Variants in TMEM120A observed in about 807,000 individuals in gnomAD.
TMEM120A encodes the protein transmembrane protein 120A, also known as ion channel TACAN.
In TMEM120A, 45 loss-of-function variants were observed where a neutral mutation model predicts 54.3. The ratio of observed to expected loss-of-function variants is 0.83; its 90% CI spans 0.65 to 1.06. The LOEUF is 1.06. Among genes scored for constraint, TMEM120A ranks in the 50% least tolerant of loss-of-function variants. TMEM120A has a pLI of 0.00. For missense variants in TMEM120A, 424 were observed against 441.7 expected, an observed-to-expected ratio of 0.96 and a Z score of 0.36; for synonymous variants, 204 against 178.5, an observed-to-expected ratio of 1.14 and a Z score of -1.14.
chr7:75,993,654 A>G (rs1301696599), intron 1 of TMEM120A, among the ~76,000 whole-genome samples: 1 of 152,204 alleles, frequency 6.6e-6, no homozygotes. Context: ...GCCAAGGGCT[A>G]ACCAAGCCAT....
chr7:75,987,911 TG>T lies in TMEM120A; in HGVS notation c.691+11del. On this transcript the variant is annotated intron_variant, in intron 8 of 11. Coordinates refer to ENST00000493111, the MANE Select transcript of TMEM120A (RefSeq NM_031925.3). Reference sequence around the variant, plus strand: ...GCCTCCAGGGCTCAGCACAGACATCTGGGACACTCACTCTGGTACATGGAAA... The same window carrying T: ...GCCTCCAGGGCTCAGCACAGACATCTGGACACTCACTCTGGTACATGGAAA... 1 of 1,602,518 alleles carries T rather than the reference TG, an allele frequency of 6.2e-7. No homozygotes were observed. The highest frequency in any genetic ancestry group is 8.5e-7 in the Non-Finnish European group (1 of 1,175,088).
chr7:75,992,540 GT>G lies in TMEM120A; in HGVS notation c.98del (p.Tyr33SerfsTer3). On this transcript the variant is annotated frameshift_variant, in exon 2 of 12. Coordinates refer to ENST00000493111, the MANE Select transcript of TMEM120A (RefSeq NM_031925.3). LOFTEE classifies it high-confidence loss of function. The part of the protein sequence containing the change: ...FQNIQETHRL[Y>X]RLKLEELTKL... ...TGGTCAGCTCCTCCAGCTTCAGGCG[GT>G]AGAGCCGATGGGTCTCCTGGGGGCC... 1 of 1,580,814 alleles carries G rather than the reference GT, an allele frequency of 6.3e-7. No individual in the cohort carries two copies. Among genetic ancestry groups the G allele is most frequent in the Non-Finnish European group, 8.6e-7 (1 of 1,164,350 alleles).
At chr7:75,987,514 C>T in intron 10 of TMEM120A, 24 bp downstream of exon 10, 1 of 1,566,300 alleles carries the variant, frequency 6.4e-7, no homozygotes, top group Non-Finnish European at 8.7e-7. Context: ...GACAGACAGG[C>T]AGGGACACAG....
chr7:75,992,625 G>C lies in TMEM120A; in HGVS notation c.82-68C>G, dbSNP rs1395627348. ...CTGAGCCAGAGCCTGCAGGCAGGAC[G>C]TGGCGCTCAGGCTCCCCCAGGGCTG... On this transcript the variant is annotated intron_variant, in intron 1 of 11. Transcript: ENST00000493111. 4 of 1,204,090 alleles carry C rather than the reference G, an allele frequency of 3.3e-6. No homozygotes were observed. The East Asian group carries it at 1.0e-4, about 31-fold the overall frequency. The allele number at this position is 1,204,090 out of a possible 1,614,324, so 74.6% of individuals were successfully genotyped here. A position where few individuals can be genotyped will look rare whatever the true frequency, so the allele number is the denominator to read the frequency against.
intron 3 of TMEM120A, among the ~76,000 whole-genome samples, chr7:75,990,315 G>A (rs782068298): frequency 1.8e-4 from 27 of 152,152 alleles, no homozygotes; most frequent in Admixed American, 5.2e-4. Context: ...GGAGCACTAT[G>A]CCAGGAGCAC....
In TMEM120A at chr7:75,992,552, G is replaced by T; in HGVS notation, c.87C>A (p.Thr29=). 6.4e-7 allele frequency: 1 copy of T among 1,571,050 alleles called. No individual in the cohort carries two copies. The highest frequency in any genetic ancestry group is 1.3e-5 in the African/African-American group (1 of 74,090). Residue 29 remains threonine (T), a synonymous_variant, in exon 2 of 12, where the codon ACC becomes ACA. Transcript: ENST00000493111. The part of the protein sequence containing the change: ...LQQDFQNIQE[T]HRLYRLKLEE... ...CCAGCTTCAGGCGGTAGAGCCGATGGGTCTCCTGGGGGCCGGAGGGGAGAG... is the reference window on the plus strand; with the variant it reads ...CCAGCTTCAGGCGGTAGAGCCGATGTGTCTCCTGGGGGCCGGAGGGGAGAG...
At position 75,992,138 on chromosome 7, in the gene TMEM120A, C is replaced by T. The variant is rs1484038030; in HGVS notation, c.317+6G>A. Reference sequence around the variant, plus strand: ...CTGAGCTGGGGGTGGCGGTGGGGGCCCTCACCCATTCTTCTTAGGCAAATA... The same window carrying T: ...CTGAGCTGGGGGTGGCGGTGGGGGCTCTCACCCATTCTTCTTAGGCAAATA... On this transcript the variant is annotated splice_donor_region_variant and intron_variant, in intron 3 of 11. Coordinates refer to ENST00000493111, the MANE Select transcript of TMEM120A (RefSeq NM_031925.3). 6.3e-7 allele frequency: 1 copy of T among 1,587,486 alleles called. No homozygotes were observed.
Position 75,986,893 on chromosome 7 carries a change from CCTGCAT to C in TMEM120A, c.*273_*278del. The C allele has an allele frequency of 1.7e-6, 1 of 585,730 alleles. No individual in the cohort carries two copies. The highest frequency in any genetic ancestry group is 2.2e-5 in the South Asian group (1 of 45,442). The allele number at this position is 585,730 out of a possible 1,614,324, so 36.3% of individuals were successfully genotyped here. ...TGTGTGAGTAGATCTGGGACCTCCA[CCTGCAT>C]CAACTTAACTAACTCAGACCCCAGG... On this transcript the variant is annotated 3_prime_UTR_variant, in exon 12 of 12. Coordinates refer to ENST00000493111, the MANE Select transcript of TMEM120A (RefSeq NM_031925.3).
intron 1 of TMEM120A, 118 bp downstream of exon 1, chr7:75,994,372 C>T (rs1268131618): frequency 5.6e-6 from 5 of 888,478 alleles, no homozygotes; most frequent in Non-Finnish European, 8.7e-6. Flanking sequence ...GCAGTGACGC[C>T]AGGGCCCCGA....
In TMEM120A at chr7:75,990,657, G is replaced by A. The variant is rs933004090; in HGVS notation, c.318-1433C>T. On this transcript the variant is annotated intron_variant, in intron 3 of 11. Transcript: ENST00000493111. ...TCCCAGCACTTTGGGAGGCCGAGGC[G>A]GGTGGATCATGAGGTCAGAAGATCG... Among the ~76,000 whole-genome samples the A allele has an allele frequency of 7.9e-5, 12 of 152,046 alleles. No individual in the cohort carries two copies. In the East Asian group the frequency reaches 2.1e-3, roughly 27 times the overall value.
At position 75,992,179 on chromosome 7, in the gene TMEM120A, G is replaced by A; in HGVS notation, c.282C>T (p.Phe94=). ...ENQMKERQGL[F]FDMEAYLPKK... ...TAGGCAAATAGGCCTCCATGTCAAA[G>A]AAGAGGCCTTGGCGCTCTTTCATCT... The change falls in exon 3 of 12, where the codon TTC becomes TTT. Residue 94 remains phenylalanine, a synonymous_variant. Transcript: ENST00000493111. The A allele has an allele frequency of 6.2e-7, 1 of 1,610,970 alleles. No homozygotes were observed. Among genetic ancestry groups the A allele is most frequent in the East Asian group, 2.2e-5 (1 of 44,820 alleles).
At chr7:75,987,664 C>T (rs1554560241) in intron 9 of TMEM120A, 54 bp downstream of exon 9, 1 of 1,606,068 alleles carries the variant, frequency 6.2e-7, no homozygotes, top group African/African-American at 1.3e-5. Context: ...ACCACTCAGA[C>T]CCGGGATGGG....
intron 3 of TMEM120A, among the ~76,000 whole-genome samples, chr7:75,991,910 G>A (rs1433364098): frequency 6.6e-6 from 1 of 151,644 alleles, no homozygotes; most frequent in East Asian, 1.9e-4. Context: ...GCGACCTCCT[G>A]GACTGGGTCA....
intron 3 of TMEM120A, among the ~76,000 whole-genome samples, chr7:75,990,406 C>T (rs575316817): frequency 1.3e-5 from 2 of 152,296 alleles, no homozygotes; most frequent in East Asian, 3.9e-4. Flanking sequence ...GGCTTCCCTC[C>T]ATCACCTCCT....
Position 75,987,771 on chromosome 7 carries a change from C to T in TMEM120A, c.731G>A (p.Cys244Tyr). ...QFLQYYYQSG[C>Y]LYRLRALGER... The stretch of plus-strand genomic sequence containing the variant: ...GCCCAGCGCCCGCAGGCGGTAGAGG[C>T]AGCCGCTCTGGTAGTAGTACTGGAG... Residue 244 changes from cysteine (C) to tyrosine (Y), a missense_variant, in exon 9 of 12, where the codon TGC becomes TAC. Physicochemically the swap from Cys to Tyr is radical, Grantham distance 194 (BLOSUM62 -2). Coordinates refer to ENST00000493111, the MANE Select transcript of TMEM120A (RefSeq NM_031925.3). The T allele has an allele frequency of 3.1e-6, 5 of 1,612,294 alleles. No individual in the cohort carries two copies. The South Asian group carries it at 4.4e-5, about 14-fold the overall frequency.
intron 4 of TMEM120A, 53 bp downstream of exon 4, chr7:75,989,112 G>GGGGGGAGGGGGGGA (rs1789726729): frequency 6.3e-6 from 3 of 473,514 alleles, no homozygotes; most frequent in African/African-American, 4.4e-5. Flanking sequence ...AGGGGGGTAG[G>GGGGGGAGGGGGGGA]GGGCTAGGGG....
Position 75,992,570 on chromosome 7 carries a change from G to T in TMEM120A, c.82-13C>A. 6.4e-7 allele frequency: 1 copy of T among 1,551,906 alleles called. No individual in the cohort carries two copies. The highest frequency in any genetic ancestry group is 2.4e-5 in the East Asian group (1 of 41,892). On this transcript the variant is annotated splice_polypyrimidine_tract_variant and intron_variant, in intron 1 of 11. Transcript: ENST00000493111. ...GCCGATGGGTCTCCTGGGGGCCGGA[G>T]GGGAGAGGCTCAGGCCAGTTGGGGA...
chr7:75,988,153 A>G lies in TMEM120A; in HGVS notation c.564-5T>C. ...AACACCCACCAGCCTTTGATCCTGG[A>G]GCAGAGAGCCACCATCACCCCCAGC... On this transcript the variant is annotated splice_polypyrimidine_tract_variant and splice_region_variant and intron_variant, in intron 6 of 11. Transcript: ENST00000493111. 6.2e-7 allele frequency: 1 copy of G among 1,610,762 alleles called. No individual in the cohort carries two copies.
chr7:75,987,331 A>G, intron 11 of TMEM120A, 29 bp downstream of exon 11: 2 of 1,565,598 alleles, frequency 1.3e-6, no homozygotes, highest in South Asian at 1.2e-5. Context: ...CTGGCCCCCC[A>G]TCCATCCTGT....
Sources: allele counts gnomAD v4.1 joint callset (sites outside exome capture counted in the v4.1 genomes callset), GRCh38; gene constraint gnomAD v4.1.1; transcripts MANE v1.5; gene names NCBI Gene and HGNC (gene_info 2026-07-23, HGNC 2026-07-21).